Variants in SSBP3 observed in about 807,000 individuals in gnomAD.
SSBP3 encodes single stranded DNA binding protein 3, also known as single-stranded DNA-binding protein 3.
In SSBP3, 5 loss-of-function variants were observed where a neutral mutation model predicts 69.6. The observed-to-expected ratio is 0.07, with a 90% CI of 0.04 to 0.15. The LOEUF (loss-of-function observed/expected upper bound fraction) is 0.15. SSBP3 is among the 10% of genes least tolerant of loss of function. SSBP3 has a pLI of 1.00. For missense variants in SSBP3, 312 were observed against 534.0 expected (o/e 0.58, Z 4.10); for synonymous variants, 196 against 193.4 (o/e 1.01, Z -0.11).
chr1:54,279,453 G>A (rs904792569), intron 5 of SSBP3, among the ~76,000 whole-genome samples: 9 of 152,218 alleles, frequency 5.9e-5, no homozygotes, highest in Non-Finnish European at 1.2e-4. Flanking sequence ...CCTAGACCCA[G>A]GCCAAAATAG....
intron 4 of SSBP3, among the ~76,000 whole-genome samples, chr1:54,396,166 T>A (rs1648849958): frequency 8.7e-6 from 1 of 114,864 alleles, no homozygotes; most frequent in Non-Finnish European, 1.6e-5. Context: ...CACTCCAGCC[T>A]GGGTGACAGA....
chr1:54,266,235 C>T (rs574946092), intron 5 of SSBP3, among the ~76,000 whole-genome samples: 107 of 152,292 alleles, frequency 7.0e-4, no homozygotes, highest in African/African-American at 2.2e-3. Context: ...TCCCTCGCAC[C>T]AAGCTGCATA....
At chr1:54,361,699 G>A (rs1646954888) in intron 4 of SSBP3, among the ~76,000 whole-genome samples, 1 of 152,050 alleles carries the variant, frequency 6.6e-6, no homozygotes, top group Non-Finnish European at 1.5e-5. Context: ...ACCATCAGTG[G>A]TATCTATCAA....
chr1:54,367,872 C>T (rs1647054050), intron 4 of SSBP3, among the ~76,000 whole-genome samples: 1 of 152,134 alleles, frequency 6.6e-6, no homozygotes, highest in South Asian at 2.1e-4. Flanking sequence ...CATCACATTA[C>T]TATTTACATT....
intron 4 of SSBP3, among the ~76,000 whole-genome samples, chr1:54,368,081 C>T (rs549543127): frequency 1.3e-5 from 2 of 152,206 alleles, no homozygotes; most frequent in Admixed American, 6.5e-5. Flanking sequence ...GAGGGTGGAA[C>T]ACTTGAGGTC....
rs185817068 is a variant in SSBP3, at chr1:54,375,639, C to A, written c.276+26222G>T. On this transcript the variant is annotated intron_variant, in intron 4 of 17. Transcript: ENST00000610401. ...TTCATGAGAGGCGCCCCCAGCCAGT[C>A]CCCCTCCAGAAGCCTCCAGTCGCCT... 1.9e-3 allele frequency among the ~76,000 whole-genome samples: 291 copies of A among 152,318 alleles called. 16 individuals carry two copies. The South Asian group carries it at 0.041, about 21-fold the overall frequency.
intron 6 of SSBP3, 49 bp from the exon 7 acceptor site, chr1:54,257,235 T>C (rs1644937923): frequency 6.0e-6 from 9 of 1,503,324 alleles, no homozygotes; most frequent in Non-Finnish European, 8.0e-6. Flanking sequence ...TACTGCACAG[T>C]GACAAACACA....
chr1:54,296,765 C>A (rs1379224509), intron 4 of SSBP3, among the ~76,000 whole-genome samples: 1 of 152,224 alleles, frequency 6.6e-6, no homozygotes, highest in African/African-American at 2.4e-5. Context: ...GGTATTCATT[C>A]TAAACCCTCT....
chr1:54,396,325 G>A (rs1314325679), intron 4 of SSBP3, among the ~76,000 whole-genome samples: 4 of 151,732 alleles, frequency 2.6e-5, no homozygotes, highest in Admixed American at 2.0e-4. Context: ...ATAGTCTAAT[G>A]CACTTGTGCC....
In SSBP3 at chr1:54,258,690, G is replaced by T. The variant is rs138372715; in HGVS notation, c.367-541C>A. Among the ~76,000 whole-genome samples, 5 of 152,296 alleles carry T rather than the reference G, an allele frequency of 3.3e-5. No individual in the cohort carries two copies. In the East Asian group the frequency reaches 9.7e-4, roughly 29 times the overall value. ...AGAGGCCCAGGCGACGGGTTTCCTG[G>T]GGGCAGGAGGGCCGGGGGCACCGAC... On this transcript the variant is annotated intron_variant, in intron 5 of 17. Transcript: ENST00000610401. The surrounding 1 kb of genome is among the most constrained non-coding windows in gnomAD (Gnocchi z 4.5).
intron 4 of SSBP3, among the ~76,000 whole-genome samples, chr1:54,353,853 C>G (rs576557667): frequency 7.2e-5 from 11 of 152,238 alleles, no homozygotes; most frequent in Non-Finnish European, 1.5e-4. Context: ...CTGCTGAGAT[C>G]TCTCTTTCCA....
chr1:54,238,263 G>C (rs1644535276), intron 14 of SSBP3: 1 of 470,964 alleles, frequency 2.1e-6, no homozygotes, highest in Admixed American at 2.3e-5. Context: ...CAAAACCAGA[G>C]TGCCCCAAAA....
chr1:54,404,909 T>C (rs1360898783), exon 2 of SSBP3: 13 of 1,612,610 alleles, frequency 8.1e-6, no homozygotes, highest in Non-Finnish European at 9.3e-6. Flanking sequence ...GCAGTAAATA[T>C]TCGTAGACGT....
At chr1:54,311,608 G>A (rs941835887) in intron 4 of SSBP3, among the ~76,000 whole-genome samples, 89 of 152,140 alleles carry the variant, frequency 5.8e-4, no homozygotes, top group African/African-American at 2.1e-3. Context: ...CAGCCCCCAA[G>A]GGTAAGACAC....
At chr1:54,233,648 C>T (rs1294067149) in intron 14 of SSBP3, among the ~76,000 whole-genome samples, 44 of 149,724 alleles carry the variant, frequency 2.9e-4, no homozygotes, top group Admixed American at 1.5e-3. Context: ...CGCCTCTGCC[C>T]GGCCGCCCCT....
chr1:54,350,155 C>T (rs914634754), intron 4 of SSBP3, among the ~76,000 whole-genome samples: 3 of 152,168 alleles, frequency 2.0e-5, no homozygotes, highest in Non-Finnish European at 4.4e-5. Flanking sequence ...GTGTGAAGAT[C>T]TGGGAAGCTG....
intron 14 of SSBP3, among the ~76,000 whole-genome samples, chr1:54,230,658 C>T (rs1017070472): frequency 2.0e-5 from 3 of 152,138 alleles, no homozygotes; most frequent in Non-Finnish European, 4.4e-5. Flanking sequence ...ATCCTGTACC[C>T]GACTGCAGTC....
intron 4 of SSBP3, among the ~76,000 whole-genome samples, chr1:54,344,712 T>C (rs973805370): frequency 1.3e-5 from 2 of 152,128 alleles, no homozygotes; most frequent in Non-Finnish European, 2.9e-5. Context: ...AGATGAGAGA[T>C]AGCAACAGAG....
At chr1:54,319,294 C>G (rs905414558) in intron 4 of SSBP3, among the ~76,000 whole-genome samples, 7 of 152,188 alleles carry the variant, frequency 4.6e-5, no homozygotes, top group African/African-American at 1.7e-4. Context: ...GGCCCATGTC[C>G]CCTTGCACAG....
Sources: gnomAD v4.1 joint callset for allele counts (sites outside exome capture counted in the v4.1 genomes callset) on GRCh38, gnomAD v4.1.1 for gene constraint, Gnocchi (gnomAD v3.1) non-coding constraint, MANE v1.5 for transcripts, NCBI Gene and HGNC (gene_info 2026-07-23, HGNC 2026-07-21) for gene names.